ASH1L: variants seen among roughly 807,000 people sequenced by gnomAD.
ASH1L encodes histone-lysine N-methyltransferase ASH1L.
Under a neutral mutation model 269.0 loss-of-function variants are expected in ASH1L, and 23 were observed. The ratio of observed to expected loss-of-function variants is 0.09; its 90% CI spans 0.06 to 0.12. The LOEUF (loss-of-function observed/expected upper bound fraction) is 0.12. ASH1L is among the 10% of genes least tolerant of loss of function. ASH1L has a pLI of 1.00. For missense variants in ASH1L, 2,912 were observed against 3,567.8 expected, an observed-to-expected ratio of 0.82 and a Z score of 4.68; for synonymous variants, 1,187 against 1,253.5, an observed-to-expected ratio of 0.95 and a Z score of 1.12.
intron 7 of ASH1L, among the ~76,000 whole-genome samples, chr1:155,382,403 C>G (rs1657058940): frequency 6.6e-6 from 1 of 152,108 alleles, no homozygotes; most frequent in South Asian, 2.1e-4. Flanking sequence ...GAGGCTGAGG[C>G]AGGAGAATGG....
chr1:155,523,601 T>A (rs957220797), intron 1 of ASH1L, among the ~76,000 whole-genome samples: 3 of 152,188 alleles, frequency 2.0e-5, no homozygotes, highest in Non-Finnish European at 4.4e-5. Flanking sequence ...CCGGGTATGG[T>A]GTCTCATGCC....
At position 155,411,894 on chromosome 1, in the gene ASH1L, T is replaced by C. The variant is rs184163073; in HGVS notation, c.6008+3850A>G. Among the ~76,000 whole-genome samples the C allele has an allele frequency of 1.6e-3, 247 of 151,836 alleles. 1 individual carries two copies. Among genetic ancestry groups the C allele is most frequent in the Non-Finnish European group, 2.6e-3 (175 of 67,952 alleles). On this transcript the variant is annotated intron_variant, in intron 6 of 27. Transcript: ENST00000392403. The stretch of plus-strand genomic sequence containing the variant: ...TGCTGGGTTTACATCCTCTACATTT[T>C]GTTCAATCACATTTCTACATGGCTG...
chr1:155,348,037 T>C lies in ASH1L; in HGVS notation c.7555-133A>G, dbSNP rs979561517. On this transcript the variant is annotated intron_variant, in intron 19 of 27. Coordinates refer to ENST00000392403, the MANE Select transcript of ASH1L (RefSeq NM_018489.3). ...TTAACAGATTTTCAATAGTATCAAA[T>C]ATATGGCCAGATAGTTGGTAACAAC... 3.3e-5 allele frequency: 34 copies of C among 1,028,100 alleles called. No individual in the cohort carries two copies. The East Asian group carries it at 7.7e-4, about 23-fold the overall frequency. 63.7% of individuals were successfully genotyped at this position (1,028,100 alleles called of 1,614,324 possible). A position where few individuals can be genotyped will look rare whatever the true frequency, so the allele number is the denominator to read the frequency against.
At chr1:155,406,788 G>C (rs1307748660) in intron 6 of ASH1L, among the ~76,000 whole-genome samples, 2 of 151,952 alleles carry the variant, frequency 1.3e-5, no homozygotes, top group South Asian at 4.1e-4. Flanking sequence ...CAATAGTCAC[G>C]GTCAATAAGC....
intron 4 of ASH1L, among the ~76,000 whole-genome samples, chr1:155,448,817 G>A (rs141445168): frequency 2.0e-3 from 307 of 151,544 alleles, no homozygotes; most frequent in African/African-American, 7.2e-3. Flanking sequence ...TCTAATGCAG[G>A]TTTTACTTGC....
At chr1:155,460,639 A>G (rs1036045142) in intron 3 of ASH1L, among the ~76,000 whole-genome samples, 1 of 151,874 alleles carries the variant, frequency 6.6e-6, no homozygotes, top group East Asian at 1.9e-4. Context: ...CAAACCTTAA[A>G]CCCACACATC....
chr1:155,417,308 T>A (rs1276282098), intron 5 of ASH1L, among the ~76,000 whole-genome samples: 1 of 151,840 alleles, frequency 6.6e-6, no homozygotes, highest in Admixed American at 6.6e-5. Context: ...ACTGATGAGC[T>A]GAAAAGGGAT....
chr1:155,424,710 TAC>T (rs1453035470), intron 5 of ASH1L, among the ~76,000 whole-genome samples: 6 of 152,208 alleles, frequency 3.9e-5, no homozygotes, highest in Admixed American at 2.6e-4. Context: ...CTCGGCCTAT[TAC>T]AGTTAATTTT....
chr1:155,510,811 TAA>T (rs1668114472), intron 2 of ASH1L, among the ~76,000 whole-genome samples: 1 of 152,044 alleles, frequency 6.6e-6, no homozygotes, highest in Non-Finnish European at 1.5e-5. Context: ...CAGCTAAAAT[TAA>T]GTCTTGTTTT....
intron 4 of ASH1L, among the ~76,000 whole-genome samples, chr1:155,446,883 G>A (rs775631622): frequency 1.3e-5 from 2 of 152,110 alleles, no homozygotes; most frequent in African/African-American, 2.4e-5. Context: ...GATTACAGGC[G>A]TGAGCCACCG....
intron 1 of ASH1L, among the ~76,000 whole-genome samples, chr1:155,524,932 A>T (rs1669139798): frequency 6.6e-6 from 1 of 152,188 alleles, no homozygotes; most frequent in South Asian, 2.1e-4. Context: ...ATGTTTTTTT[A>T]AAAATAAATA....
intron 1 of ASH1L, among the ~76,000 whole-genome samples, chr1:155,529,349 ATC>A (rs976967265): frequency 1.4e-4 from 16 of 117,244 alleles, no homozygotes; most frequent in Non-Finnish European, 2.1e-4. Context: ...CCTTGCCAGC[ATC>A]TTTTTTTTTT....
chr1:155,487,500 G>C (rs1666408818), intron 2 of ASH1L, among the ~76,000 whole-genome samples: 1 of 151,762 alleles, frequency 6.6e-6, no homozygotes, highest in African/African-American at 2.4e-5. Context: ...CCCAAGTCTG[G>C]GACTGCAGGC....
chr1:155,521,452 G>A lies in ASH1L; in HGVS notation c.68C>T (p.Pro23Leu), dbSNP rs908343803. 12 of 1,613,796 alleles carry A rather than the reference G, an allele frequency of 7.4e-6. No homozygotes were observed. Among genetic ancestry groups the A allele is most frequent in the East Asian group, 2.2e-5 (1 of 44,890 alleles). Residue 23 changes from proline to leucine, a missense_variant, in exon 2 of 28, where the codon CCT becomes CTT. By Grantham distance (98) the Pro-to-Leu change is moderately conservative (BLOSUM62 -3). This residue lies in a region of ASH1L where 115 missense variants were observed against 101.5 expected (regional missense o/e 1.13). Coordinates refer to ENST00000392403, the MANE Select transcript of ASH1L (RefSeq NM_018489.3). ...CAATGTGCCAGTACTGATGGCAGAA[G>A]GACTCTTTCTTGAAAAACCTTCGGA... The part of the protein sequence containing the change: ...SDSEGFSRKS[P>L]SAISTGTLVS...
At chr1:155,356,931 A>T (rs199832808) in intron 15 of ASH1L, among the ~76,000 whole-genome samples, 1 of 121,942 alleles carries the variant, frequency 8.2e-6, no homozygotes, top group African/African-American at 3.6e-5. Context: ...TCTACAAAAA[A>T]TTTAAAAAAA....
At chr1:155,555,469 C>T (rs1256020726) in intron 1 of ASH1L, among the ~76,000 whole-genome samples, 2 of 146,304 alleles carry the variant, frequency 1.4e-5, no homozygotes, top group Non-Finnish European at 3.0e-5. Flanking sequence ...TGCACTCCAG[C>T]CTGGGCAACA....
In ASH1L at chr1:155,438,871, G is replaced by C. The variant is rs947623371; in HGVS notation, c.5284C>G (p.Pro1762Ala). The change falls in exon 5 of 28, where the codon CCA becomes GCA. Residue 1762 changes from proline to alanine, a missense_variant. Pro to Ala is a conservative substitution (Grantham distance 27). Coordinates refer to ENST00000392403, the MANE Select transcript of ASH1L (RefSeq NM_018489.3). ...SHSKDRTLGK[P>A]DSLLVPAVTS... ...ACTGCAGGCACTAAAAGGCTGTCTG[G>C]TTTTCCCAGGGTTCGGTCCTTGCTG... 3.1e-6 allele frequency: 5 copies of C among 1,614,194 alleles called. 1 individual carries two copies. The Admixed American group carries it at 6.7e-5, about 22-fold the overall frequency.
chr1:155,442,235 T>G (rs1341021421), intron 4 of ASH1L, among the ~76,000 whole-genome samples: 1 of 152,080 alleles, frequency 6.6e-6, no homozygotes, highest in African/African-American at 2.4e-5. Flanking sequence ...TTCTTCCTGC[T>G]TCTACTTTCA....
intron 5 of ASH1L, among the ~76,000 whole-genome samples, chr1:155,430,077 G>T (rs567903640): frequency 5.1e-4 from 77 of 151,960 alleles, no homozygotes; most frequent in Non-Finnish European, 1.1e-3. Context: ...CCAGGTTCAA[G>T]CAATTCTCCT....
Sources: allele counts gnomAD v4.1 joint callset (sites outside exome capture counted in the v4.1 genomes callset), GRCh38; gene constraint gnomAD v4.1.1; regional missense constraint gnomAD v4.1.1; transcripts MANE v1.5; gene names NCBI Gene and HGNC (gene_info 2026-07-23, HGNC 2026-07-21).